DBN1: variants seen among roughly 807,000 people sequenced by gnomAD.
DBN1 encodes drebrin 1, also known as drebrin.
In DBN1, 21 loss-of-function variants were observed where a neutral mutation model predicts 83.5. The observed-to-expected ratio is 0.25, with a 90% confidence interval of 0.18 to 0.36. The LOEUF (loss-of-function observed/expected upper bound fraction) is 0.36, where lower values mean the gene tolerates loss of function less well. DBN1 is among the 10% of genes least tolerant of loss of function. The probability of loss-of-function intolerance (pLI) is 1.00; values close to 1 mark genes in which losing one functional copy is unlikely to be tolerated. For synonymous variants in DBN1, 381 were observed against 384.9 expected (o/e 0.99, Z 0.12); for missense variants, 874 against 935.7 (o/e 0.93, Z 0.86).
Position 177,457,323 on chromosome 5 carries a change from G to C in DBN1, c.*110C>G. 1.1e-6 allele frequency: 1 copy of C among 889,012 alleles called. No homozygotes were observed. Among genetic ancestry groups the C allele is most frequent in the Non-Finnish European group, 1.9e-6 (1 of 532,322 alleles). The allele number at this position is 889,012 out of a possible 1,614,324, so 55.1% of individuals were successfully genotyped here. On this transcript the variant is annotated 3_prime_UTR_variant, in exon 15 of 15. Transcript: ENST00000393565. Reference sequence around the variant, plus strand: ...AGTCCCCAGCCAGGGCCGGAATCCGGAGTGGGTGCCAGGCGGAGCTGCTGC... The same window carrying C: ...AGTCCCCAGCCAGGGCCGGAATCCGCAGTGGGTGCCAGGCGGAGCTGCTGC...
rs1756563813 is a variant in DBN1 at position 177,457,217 on chromosome 5, C to CAACT, written c.*212_*215dup. 1.2e-5 allele frequency: 7 copies of CAACT among 576,758 alleles called. No individual in the cohort carries two copies. The highest frequency in any genetic ancestry group is 2.2e-5 in the Non-Finnish European group (7 of 323,356). The allele number at this position is 576,758 out of a possible 1,614,324, so 35.7% of individuals were successfully genotyped here. The stretch of plus-strand genomic sequence containing the variant: ...AACTACCAACGAGAGGAAAGCCAGT[C>CAACT]AACTGTACAAGTCTCCTATCAACTT... On this transcript the variant is annotated 3_prime_UTR_variant, in exon 15 of 15. Transcript: ENST00000393565.
chr5:177,467,906 T>C lies in DBN1; in HGVS notation c.256-89A>G. 1 of 1,493,552 alleles carries C rather than the reference T, an allele frequency of 6.7e-7. No individual in the cohort carries two copies. Among genetic ancestry groups the C allele is most frequent in the South Asian group, 1.2e-5 (1 of 85,756 alleles). The allele number at this position is 1,493,552 out of a possible 1,614,324, so 92.5% of individuals were successfully genotyped here. On this transcript the variant is annotated intron_variant, in intron 3 of 14. Transcript: ENST00000393565. This position sits in a 1 kb window ranked among gnomAD's most constrained non-coding sequence, Gnocchi z 9.1. ...CATCTTCCCCGGGGTGGGAAGAGGGTGGGCTTCCCTCTCCACGGGTGTCAG... is the reference window on the plus strand; with the variant it reads ...CATCTTCCCCGGGGTGGGAAGAGGGCGGGCTTCCCTCTCCACGGGTGTCAG...
chr5:177,460,165 G>A (rs1248817150), intron 10 of DBN1, among the ~76,000 whole-genome samples: 2 of 152,228 alleles, frequency 1.3e-5, no homozygotes, highest in Non-Finnish European at 2.9e-5. Context: ...TGCTCCCCGT[G>A]GCCAGCGCTG....
chr5:177,461,138 G>T (rs1443614928), intron 8 of DBN1, among the ~76,000 whole-genome samples: 2 of 117,628 alleles, frequency 1.7e-5, no homozygotes, highest in Admixed American at 1.1e-4. Flanking sequence ...TCGCTCTGTC[G>T]CCCAGGCTGG....
At chr5:177,464,797 A>G (rs1215830034) in intron 8 of DBN1, among the ~76,000 whole-genome samples, 52 of 151,156 alleles carry the variant, frequency 3.4e-4, no homozygotes, top group Non-Finnish European at 6.9e-4. Context: ...AAAATTAGCC[A>G]GGCGTGGTGG....
chr5:177,460,284 G>A, intron 10 of DBN1, 148 bp downstream of exon 10: 4 of 1,192,782 alleles, frequency 3.4e-6, no homozygotes, highest in Non-Finnish European at 4.8e-6. Context: ...TGCCACCTGG[G>A]AAGTGGTGGG....
rs991298884 is a variant in DBN1, at chr5:177,458,677, C to A, written c.1295G>T (p.Ser432Ile). Residue 432 changes from serine to isoleucine, a missense_variant, in exon 13 of 15, where the codon AGT becomes ATT. By Grantham distance (142) the Ser-to-Ile change is moderately radical. Around this residue, in one of 4 missense-constraint regions of DBN1, gnomAD observed 725 missense variants for 719.7 expected, o/e 1.01. Coordinates refer to ENST00000393565, the MANE Select transcript of DBN1 (RefSeq NM_001363541.2). ...AGGGGCTGCTGCTCTGGTCTCCTCA[C>A]TGTCTAGGATGGGGCTGGGCTCCTG... is the stretch of plus-strand genomic sequence containing the variant. ...ETQEPSPILD[S>I]EETRAAAPQA... The A allele has an allele frequency of 1.3e-6, 2 of 1,561,180 alleles. No individual in the cohort carries two copies. The highest frequency in any genetic ancestry group is 8.6e-7 in the Non-Finnish European group (1 of 1,157,470).
Position 177,466,590 on chromosome 5 carries a change from G to C in DBN1, c.771+182C>G, listed in dbSNP as rs895888920. Among the ~76,000 whole-genome samples, 3 of 152,196 alleles carry C rather than the reference G, an allele frequency of 2.0e-5. No homozygotes were observed. The highest frequency in any genetic ancestry group is 7.2e-5 in the African/African-American group (3 of 41,446). ...CCAAAGTAGTCTTTTTCCACGGCCA[G>C]AGGCCAGAGCCCCACGTGATGAGGT... On this transcript the variant is annotated intron_variant, in intron 8 of 14. Transcript: ENST00000393565. The surrounding 1 kb of genome is among the most constrained non-coding windows in gnomAD (Gnocchi z 4.8).
At chr5:177,471,302 G>A (rs1426527858) in intron 1 of DBN1, among the ~76,000 whole-genome samples, 1 of 152,084 alleles carries the variant, frequency 6.6e-6, no homozygotes, top group Non-Finnish European at 1.5e-5. Flanking sequence ...AAGAGGACCA[G>A]GAACTTGTGT....
chr5:177,472,358 A>T (rs1757911083), intron 1 of DBN1: 1 of 1,486,302 alleles, frequency 6.7e-7, no homozygotes, highest in Non-Finnish European at 8.9e-7. Flanking sequence ...CCCATCTGCC[A>T]GCAGGGAGAG....
rs374466100 is a variant in DBN1, at chr5:177,457,900, C to CA, written c.1915-144dup. 775 of 1,132,608 alleles carry CA rather than the reference C, an allele frequency of 6.8e-4. 5 individuals carry two copies. The African/African-American group carries it at 8.2e-3, about 12-fold the overall frequency. The allele number at this position is 1,132,608 out of a possible 1,614,324, so 70.2% of individuals were successfully genotyped here. ...AGGATGCCTGCCTTGGGAACAAAAGCAGAGCCGGCCCAGGGAGGGAGGGTG... is the reference window on the plus strand; with the variant it reads ...AGGATGCCTGCCTTGGGAACAAAAGCAAGAGCCGGCCCAGGGAGGGAGGGTG... On this transcript the variant is annotated intron_variant, in intron 13 of 14. Transcript: ENST00000393565.
chr5:177,457,997 C>A lies in DBN1; in HGVS notation c.1914+61G>T, dbSNP rs767722643. On this transcript the variant is annotated intron_variant, in intron 13 of 14. Transcript: ENST00000393565. ...TGGTGCAAGCATGAGGAATGCAGGG[C>A]CAGCACCCTGCTCAGCCCCCACTCC... 5.6e-6 allele frequency: 9 copies of A among 1,601,438 alleles called. No individual in the cohort carries two copies. The East Asian group carries it at 1.8e-4, about 32-fold the overall frequency.
In DBN1 at chr5:177,467,341, T is replaced by A. The variant is rs1352310932; in HGVS notation, c.478-9A>T. ...TTCTGGTAGGTGGTGCCCTGCAGTG[T>A]CGAAGGACCCAGCATAAGCAGGCTG... is the stretch of plus-strand genomic sequence containing the variant. On this transcript the variant is annotated splice_polypyrimidine_tract_variant and intron_variant, in intron 5 of 14. Transcript: ENST00000393565. The surrounding 1 kb of genome is among the most constrained non-coding windows in gnomAD (Gnocchi z 9.1). 1 of 1,614,066 alleles carries A rather than the reference T, an allele frequency of 6.2e-7. No homozygotes were observed. Among genetic ancestry groups the A allele is most frequent in the East Asian group, 2.2e-5 (1 of 44,870 alleles).
rs1471555712 is a variant in DBN1, at chr5:177,460,647, C to T, written c.828G>A (p.Val276=). ...ETHMKKSESE[V]EEAAAIIAQR... ...GGCTGGTGCCCCCAGCTCTCACCTC[C>T]ACCTCCGACTCTGACTTCTTCATGT... The change falls in exon 9 of 15, where the codon GTG becomes GTA. Residue 276 remains valine, a synonymous_variant. Transcript: ENST00000393565. 6.2e-7 allele frequency: 1 copy of T among 1,614,106 alleles called. No individual in the cohort carries two copies. The highest frequency in any genetic ancestry group is 8.5e-7 in the Non-Finnish European group (1 of 1,180,034).
chr5:177,472,935 C>T, intron 1 of DBN1: 2 of 645,434 alleles, frequency 3.1e-6, no homozygotes, highest in Non-Finnish European at 3.8e-6. Flanking sequence ...CCAGCCCGCT[C>T]CGCTCCTCCC....
intron 13 of DBN1, 37 bp downstream of exon 13, chr5:177,458,021 C>G: frequency 6.2e-7 from 1 of 1,611,006 alleles, no homozygotes; most frequent in East Asian, 2.2e-5. Flanking sequence ...AGCCCCCACT[C>G]CCTCCCATCC....
In DBN1 at chr5:177,458,167, G is replaced by A; in HGVS notation, c.1805C>T (p.Ala602Val). The A allele has an allele frequency of 2.5e-6, 4 of 1,612,794 alleles. No homozygotes were observed. The highest frequency in any genetic ancestry group is 3.4e-6 in the Non-Finnish European group (4 of 1,179,688). ...TGAGGGCAGAGTTGGGGTCTGGGGG[G>A]CAGCCAGGGACTCCCCTTCCACTTC... ...PEEVEGESLA[A>V]PQTPTLPSAL... The change falls in exon 13 of 15, where the codon GCC becomes GTC. Residue 602 changes from alanine (A) to valine (V), a missense_variant. Ala to Val is a moderately conservative substitution (Grantham distance 64). Coordinates refer to ENST00000393565, the MANE Select transcript of DBN1 (RefSeq NM_001363541.2).
Position 177,467,381 on chromosome 5 carries a change from C to T in DBN1, c.478-49G>A. ...TAAGCAGGCTGAATGCCCCAGGAAC[C>T]CCCGACACCTAAAGGGTGAGAGCTA... On this transcript the variant is annotated intron_variant, in intron 5 of 14. Transcript: ENST00000393565. This position sits in a 1 kb window ranked among gnomAD's most constrained non-coding sequence, Gnocchi z 9.1. 6.2e-7 allele frequency: 1 copy of T among 1,613,736 alleles called. No homozygotes were observed. The highest frequency in any genetic ancestry group is 8.5e-7 in the Non-Finnish European group (1 of 1,179,676).
intron 8 of DBN1, among the ~76,000 whole-genome samples, chr5:177,464,684 G>T (rs1757297785): frequency 6.6e-6 from 1 of 152,086 alleles, no homozygotes; most frequent in East Asian, 1.9e-4. Context: ...GCTCATGCCT[G>T]TAATCCCGGC....
Sources: gnomAD v4.1 joint callset for allele counts (sites outside exome capture counted in the v4.1 genomes callset) on GRCh38, gnomAD v4.1.1 for gene constraint, gnomAD v4.1.1 regional missense constraint, Gnocchi (gnomAD v3.1) non-coding constraint, MANE v1.5 for transcripts, NCBI Gene and HGNC (gene_info 2026-07-23, HGNC 2026-07-21) for gene names.